LRBA: variants seen among roughly 807,000 people sequenced by gnomAD.
LRBA encodes the protein lipopolysaccharide-responsive and beige-like anchor protein.
LRBA carries 176 observed loss-of-function variants against 330.0 expected under a neutral mutation model. The ratio of observed to expected loss-of-function variants is 0.53; its 90% CI spans 0.47 to 0.60. The LOEUF is 0.60. LRBA is among the 20% of genes least tolerant of loss of function. LRBA has a pLI of 0.00. For missense variants in LRBA, 3,259 were observed against 3,444.8 expected (o/e 0.95, Z 1.35); for synonymous variants, 1,230 against 1,193.0 (o/e 1.03, Z -0.64).
chr4:151,002,241 T>C (rs1331639388), intron 2 of LRBA, among the ~76,000 whole-genome samples: 2 of 42,450 alleles, frequency 4.7e-5, no homozygotes, highest in East Asian at 1.3e-3. Flanking sequence ...CAAAGGAACA[T>C]AATAATTCTC....
At chr4:150,351,403 C>T (rs987207736) in intron 47 of LRBA, among the ~76,000 whole-genome samples, 38 of 152,076 alleles carry the variant, frequency 2.5e-4, no homozygotes, top group African/African-American at 8.9e-4. Context: ...TAAAAGTATA[C>T]AGTAGGCCGG....
At chr4:150,590,962 T>A (rs1772752477) in intron 38 of LRBA, 103 bp from the exon 39 acceptor site, 2 of 950,062 alleles carry the variant, frequency 2.1e-6, no homozygotes, top group African/African-American at 3.3e-5. Flanking sequence ...ATGGTCAATC[T>A]TTTATACACA....
At chr4:150,982,094 C>A (rs1010545544) in intron 2 of LRBA, among the ~76,000 whole-genome samples, 11 of 151,812 alleles carry the variant, frequency 7.2e-5, no homozygotes, top group African/African-American at 2.7e-4. Flanking sequence ...AATGTACAGG[C>A]CAAAACACAT....
At chr4:150,492,354 C>A (rs1032467046) in intron 40 of LRBA, among the ~76,000 whole-genome samples, 1 of 151,920 alleles carries the variant, frequency 6.6e-6, no homozygotes, top group African/African-American at 2.4e-5. Flanking sequence ...GATAATCATG[C>A]GTGCAGTTTT....
chr4:150,863,647 G>T (rs904368558), intron 22 of LRBA, among the ~76,000 whole-genome samples: 13 of 152,242 alleles, frequency 8.5e-5, no homozygotes, highest in Non-Finnish European at 1.8e-4. Flanking sequence ...GGGTGACAGG[G>T]AGACTCTTTT....
chr4:150,899,218 A>C (rs1208921584), intron 14 of LRBA, among the ~76,000 whole-genome samples: 1 of 152,168 alleles, frequency 6.6e-6, no homozygotes, highest in East Asian at 1.9e-4. Flanking sequence ...ACTAAAAGAG[A>C]CTTTCACTGG....
At chr4:150,718,087 T>A (rs1582136156) in intron 36 of LRBA, among the ~76,000 whole-genome samples, 1 of 152,180 alleles carries the variant, frequency 6.6e-6, no homozygotes, top group Non-Finnish European at 1.5e-5. Flanking sequence ...TGACATAATT[T>A]TTTTCATAAA....
intron 40 of LRBA, among the ~76,000 whole-genome samples, chr4:150,566,064 C>A (rs375430380): frequency 1.2e-3 from 162 of 136,318 alleles, no homozygotes; most frequent in Middle Eastern, 3.6e-3. Flanking sequence ...CCTGTCTCTA[C>A]AAAAAAAAAA....
intron 31 of LRBA, among the ~76,000 whole-genome samples, chr4:150,809,916 ATACGATACGATACG>A (rs1743453331): frequency 7.8e-6 from 1 of 127,950 alleles, no homozygotes; most frequent in African/African-American, 2.9e-5. Context: ...ATACGATACG[ATACGATACGATACG>A]ATACTTCCCT....
intron 40 of LRBA, among the ~76,000 whole-genome samples, chr4:150,561,580 G>A (rs1581682358): frequency 6.6e-6 from 1 of 152,080 alleles, no homozygotes; most frequent in East Asian, 1.9e-4. Flanking sequence ...TGACTTTGCT[G>A]AATTAAGGAA....
chr4:150,877,759 C>T (rs1156923072), intron 17 of LRBA, among the ~76,000 whole-genome samples: 2 of 152,166 alleles, frequency 1.3e-5, no homozygotes, highest in Non-Finnish European at 2.9e-5. Context: ...AAACATACTC[C>T]AAGATCAACC....
chr4:151,006,026 T>G (rs927899468), intron 2 of LRBA, among the ~76,000 whole-genome samples: 1 of 152,198 alleles, frequency 6.6e-6, no homozygotes, highest in Non-Finnish European at 1.5e-5. Flanking sequence ...CATCAAGGTT[T>G]TAACAATATA....
intron 20 of LRBA, among the ~76,000 whole-genome samples, 181 bp downstream of exon 20, chr4:150,870,339 ATAACT>A (rs1439589038): frequency 6.6e-6 from 1 of 152,224 alleles, no homozygotes; most frequent in Non-Finnish European, 1.5e-5. Context: ...GAATTTCCAC[ATAACT>A]TAAGGTTGAT....
intron 56 of LRBA, among the ~76,000 whole-genome samples, chr4:150,266,715 A>C (rs1238639483): frequency 6.6e-6 from 1 of 152,250 alleles, no homozygotes; most frequent in Non-Finnish European, 1.5e-5. Context: ...GGCAAAAGTC[A>C]GTCTTTCCTT....
chr4:150,915,780 C>G (rs940106460), intron 7 of LRBA, 53 bp from the exon 8 acceptor site: 1 of 1,444,958 alleles, frequency 6.9e-7, no homozygotes, highest in Non-Finnish European at 9.4e-7. Flanking sequence ...ATCCCAATAA[C>G]GCAACCATAC....
At chr4:150,674,594 T>C (rs1282798175) in intron 37 of LRBA, among the ~76,000 whole-genome samples, 1 of 152,152 alleles carries the variant, frequency 6.6e-6, no homozygotes, top group African/African-American at 2.4e-5. Flanking sequence ...ATCCTAATAC[T>C]GTTGGGTGAA....
intron 36 of LRBA, among the ~76,000 whole-genome samples, chr4:150,711,405 T>G (rs1786198088): frequency 6.6e-6 from 1 of 151,530 alleles, no homozygotes; most frequent in East Asian, 1.9e-4. Context: ...CCAGCTAATT[T>G]TTTTGTATTT....
intron 38 of LRBA, among the ~76,000 whole-genome samples, chr4:150,594,382 G>C (rs987462466): frequency 1.3e-5 from 2 of 151,464 alleles, no homozygotes; most frequent in Non-Finnish European, 2.9e-5. Flanking sequence ...ATATGTACTG[G>C]GGAAAAGTAT....
chr4:150,586,328 G>A (rs1772108556), intron 40 of LRBA, among the ~76,000 whole-genome samples: 1 of 152,030 alleles, frequency 6.6e-6, no homozygotes, highest in South Asian at 2.1e-4. Flanking sequence ...AAGTTTTTAA[G>A]TCTTGACAAA....
Sources: gnomAD v4.1 joint callset for allele counts (sites outside exome capture counted in the v4.1 genomes callset) on GRCh38, gnomAD v4.1.1 for gene constraint, MANE v1.5 for transcripts, NCBI Gene and HGNC (gene_info 2026-07-23, HGNC 2026-07-21) for gene names.